Variants in RYR2 observed in about 807,000 individuals in gnomAD.
RYR2 encodes cardiac muscle ryanodine receptor-calcium release channel.
RYR2 carries 227 observed loss-of-function variants against 601.1 expected under a neutral mutation model. The observed-to-expected ratio is 0.38, with a 90% CI of 0.34 to 0.42. The LOEUF (loss-of-function observed/expected upper bound fraction) is 0.42. Among genes scored for constraint, RYR2 ranks in the 10% least tolerant of loss-of-function variants. The pLI is 1.00. For synonymous variants in RYR2, 2,223 were observed against 2,175.1 expected, an observed-to-expected ratio of 1.02 and a Z score of -0.61; for missense variants, 4,646 against 6,156.5, an observed-to-expected ratio of 0.75 and a Z score of 8.21.
At chr1:237,348,206 G>A (rs992042486) in intron 3 of RYR2, among the ~76,000 whole-genome samples, 70 of 152,176 alleles carry the variant, frequency 4.6e-4, no homozygotes, top group African/African-American at 1.6e-3. Flanking sequence ...GGCTGGATTC[G>A]AACTCCTGGG....
At chr1:237,801,611 AATAAC>A (rs1454061395) in intron 97 of RYR2, among the ~76,000 whole-genome samples, 1 of 151,956 alleles carries the variant, frequency 6.6e-6, no homozygotes, top group Non-Finnish European at 1.5e-5. Context: ...ACTATTTTTA[AATAAC>A]ATAAGACGAA....
intron 63 of RYR2, among the ~76,000 whole-genome samples, chr1:237,692,230 G>A (rs182834047): frequency 1.3e-5 from 2 of 152,256 alleles, no homozygotes; most frequent in South Asian, 2.1e-4. Flanking sequence ...TGTCTGCCAC[G>A]TGAAAGGCAT....
chr1:237,432,099 C>CT (rs201214602), intron 12 of RYR2, among the ~76,000 whole-genome samples: 18,336 of 120,338 alleles, frequency 0.15, 2,397 homozygotes, highest in African/African-American at 0.37. Context: ...AGCAAATGGT[C>CT]TTTTTTTTTT....
intron 3 of RYR2, among the ~76,000 whole-genome samples, chr1:237,333,961 A>G (rs185137590): frequency 4.9e-4 from 75 of 152,286 alleles, no homozygotes; most frequent in African/African-American, 1.7e-3. Flanking sequence ...AACTTTCTTT[A>G]CGAAGCCCTG....
Position 237,573,199 on chromosome 1 carries a change from T to C in RYR2, c.3598+3880T>C, listed in dbSNP as rs1256994154. Among the ~76,000 whole-genome samples, 3 of 151,422 alleles carry C rather than the reference T, an allele frequency of 2.0e-5. No individual in the cohort carries two copies. The East Asian group carries it at 5.9e-4, about 30-fold the overall frequency. On this transcript the variant is annotated intron_variant, in intron 29 of 104. Coordinates refer to ENST00000366574, the MANE Select transcript of RYR2 (RefSeq NM_001035.3). The stretch of plus-strand genomic sequence containing the variant: ...TAAAGTATGTGGTAAGATGGATAAA[T>C]GTAGAAATTATTATCTATGGAGATA...
chr1:237,085,615 T>G (rs1268483923), intron 1 of RYR2, among the ~76,000 whole-genome samples: 1 of 152,208 alleles, frequency 6.6e-6, no homozygotes, highest in Non-Finnish European at 1.5e-5. Context: ...ATTGCTTTCC[T>G]AATATCAAGA....
chr1:237,334,973 T>C (rs1231561996), intron 3 of RYR2, among the ~76,000 whole-genome samples: 1 of 152,196 alleles, frequency 6.6e-6, no homozygotes. Flanking sequence ...CATGTTATTA[T>C]TGTTTTATTT....
chr1:237,699,762 C>T (rs528359278), intron 64 of RYR2, among the ~76,000 whole-genome samples: 18 of 152,340 alleles, frequency 1.2e-4, no homozygotes, highest in Admixed American at 8.5e-4. Flanking sequence ...GTATGAAGTT[C>T]AGCCTTCGGC....
intron 80 of RYR2, among the ~76,000 whole-genome samples, chr1:237,748,633 G>C (rs1692282641): frequency 6.6e-6 from 1 of 152,178 alleles, no homozygotes; most frequent in African/African-American, 2.4e-5. Context: ...AAGGGCATAG[G>C]TTGGGCTGGG....
At chr1:237,530,327 T>C in intron 24 of RYR2, 100 bp from the exon 25 acceptor site, 1 of 793,184 alleles carries the variant, frequency 1.3e-6, no homozygotes, top group Non-Finnish European at 2.0e-6. Flanking sequence ...AAAAAAAAAT[T>C]GTGCTTTCAA....
rs117060539 is a variant in RYR2 at position 237,377,786 on chromosome 1, A to C, written c.576+351A>C. Among the ~76,000 whole-genome samples the C allele has an allele frequency of 6.6e-5, 10 of 152,376 alleles. No homozygotes were observed. The East Asian group carries it at 1.5e-3, about 24-fold the overall frequency. On this transcript the variant is annotated intron_variant, in intron 8 of 104. Coordinates refer to ENST00000366574, the MANE Select transcript of RYR2 (RefSeq NM_001035.3). ...ATTTTGCACCTGATGAAAAGGCTAT[A>C]TTAATGAGGTTGTGATTACCTATTC... is the stretch of plus-strand genomic sequence containing the variant.
chr1:237,483,192 G>C (rs1662306251), intron 17 of RYR2, among the ~76,000 whole-genome samples: 1 of 152,204 alleles, frequency 6.6e-6, no homozygotes, highest in Non-Finnish European at 1.5e-5. Flanking sequence ...TCTGATCAGT[G>C]TTGTCCATTC....
At chr1:237,478,796 C>A (rs1427229527) in intron 17 of RYR2, among the ~76,000 whole-genome samples, 1 of 148,996 alleles carries the variant, frequency 6.7e-6, no homozygotes, top group African/African-American at 2.5e-5. Context: ...AGGGACCCCC[C>A]TACCCTCGCT....
chr1:237,656,204 C>G (rs1683227836), intron 53 of RYR2, among the ~76,000 whole-genome samples: 1 of 152,050 alleles, frequency 6.6e-6, no homozygotes. Flanking sequence ...ACTCTTAACA[C>G]AATCAAGACT....
chr1:237,545,753 TAAA>T (rs57471366), intron 25 of RYR2, among the ~76,000 whole-genome samples: 1 of 128,174 alleles, frequency 7.8e-6, no homozygotes, highest in African/African-American at 3.0e-5. Flanking sequence ...TCTTGAAAAA[TAAA>T]AAAAAAAAAA....
chr1:237,077,446 G>A (rs1466340946), intron 1 of RYR2, among the ~76,000 whole-genome samples: 14 of 133,684 alleles, frequency 1.0e-4, no homozygotes, highest in African/African-American at 3.7e-4. Context: ...CTAAGCCAAT[G>A]GAAAACAAAA....
rs538531623 is a variant in RYR2 at position 237,191,419 on chromosome 1, T to G, written c.49-79078T>G. On this transcript the variant is annotated intron_variant, in intron 1 of 104. Coordinates refer to ENST00000366574, the MANE Select transcript of RYR2 (RefSeq NM_001035.3). Reference sequence around the variant, plus strand: ...TGAGATTGCATTTGAATTTTATGGGTTTTTTTTTTTTCCTTTTTCTACAAA... The same window carrying G: ...TGAGATTGCATTTGAATTTTATGGGGTTTTTTTTTTTCCTTTTTCTACAAA... Among the ~76,000 whole-genome samples the G allele has an allele frequency of 3.5e-4, 18 of 50,984 alleles. No homozygotes were observed. The South Asian group carries it at 7.2e-3, about 20-fold the overall frequency. 33.4% of individuals were successfully genotyped at this position (50,984 alleles called of 152,430 possible). A position where few individuals can be genotyped will look rare whatever the true frequency, so the allele number is the denominator to read the frequency against.
At chr1:237,091,093 T>C (rs1393341345) in intron 1 of RYR2, among the ~76,000 whole-genome samples, 1 of 152,214 alleles carries the variant, frequency 6.6e-6, no homozygotes. Context: ...TGGAGGAAGA[T>C]AACAATATAG....
intron 22 of RYR2, 53 bp from the exon 23 acceptor site, chr1:237,506,657 G>A: frequency 1.6e-6 from 2 of 1,289,682 alleles, no homozygotes; most frequent in East Asian, 2.4e-5. Flanking sequence ...TGTTGGCACT[G>A]CATCTTATTG....
Sources: gnomAD v4.1 joint callset for allele counts (sites outside exome capture counted in the v4.1 genomes callset) on GRCh38, gnomAD v4.1.1 for gene constraint, MANE v1.5 for transcripts, NCBI Gene and HGNC (gene_info 2026-07-23, HGNC 2026-07-21) for gene names.